Variants in SLC39A11 observed in about 807,000 individuals in gnomAD.
SLC39A11 encodes solute carrier family 39 member 11.
A neutral mutation model predicts 36.1 loss-of-function variants in SLC39A11; 33 were observed. The ratio of observed to expected loss-of-function variants is 0.91; its 90% CI spans 0.69 to 1.22. The LOEUF (loss-of-function observed/expected upper bound fraction) is 1.22. SLC39A11 is among the 50% of genes most tolerant of loss of function. The pLI, the probability that SLC39A11 is intolerant of heterozygous loss-of-function variation, is 0.00. For missense variants in SLC39A11, 432 were observed against 430.3 expected (o/e 1.00, Z -0.03); for synonymous variants, 166 against 170.3 (o/e 0.97, Z 0.20).
chr17:72,676,518 C>CTTA (rs1445693582), intron 7 of SLC39A11, among the ~76,000 whole-genome samples: 1 of 152,086 alleles, frequency 6.6e-6, no homozygotes, highest in Non-Finnish European at 1.5e-5. Context: ...TGCTAGACTT[C>CTTA]TTATCGTCAT....
chr17:72,826,351 C>G (rs1414891065), intron 6 of SLC39A11, among the ~76,000 whole-genome samples: 1 of 152,182 alleles, frequency 6.6e-6, no homozygotes, highest in Non-Finnish European at 1.5e-5. Context: ...TCCTGTACAG[C>G]CTGTGGAACT....
In SLC39A11 at chr17:73,064,227, G is replaced by C. The variant is rs191472133; in HGVS notation, c.147+20581C>G. On this transcript the variant is annotated intron_variant, in intron 3 of 9. Coordinates refer to ENST00000255559, the MANE Select transcript of SLC39A11 (RefSeq NM_139177.4). ...TGGTTTGCTGTTCAGTGAGTCTGCA[G>C]AAACCAAGCACTGTGGCTCATGGCC... 4.3e-3 allele frequency among the ~76,000 whole-genome samples: 648 copies of C among 152,344 alleles called. 13 individuals are homozygous for C. The highest frequency in any genetic ancestry group is 0.039 in the Admixed American group (591 of 15,304).
At chr17:73,041,607 G>A (rs1459294112) in intron 3 of SLC39A11, among the ~76,000 whole-genome samples, 1 of 152,226 alleles carries the variant, frequency 6.6e-6, no homozygotes, top group Non-Finnish European at 1.5e-5. Flanking sequence ...GTGCTGGAAT[G>A]GGGGCACCCA....
At chr17:72,814,282 C>A (rs1277473564) in intron 6 of SLC39A11, among the ~76,000 whole-genome samples, 1 of 152,162 alleles carries the variant, frequency 6.6e-6, no homozygotes, top group Non-Finnish European at 1.5e-5. Context: ...AAGTACCTGA[C>A]CCTCTTGCAG....
chr17:72,725,523 G>A (rs2073888823), intron 7 of SLC39A11: 1 of 152,146 alleles, frequency 6.6e-6, no homozygotes, highest in African/African-American at 2.4e-5. Flanking sequence ...TTACATATAT[G>A]GTCCTTAGCC....
At chr17:73,011,209 G>C (rs543884719) in intron 4 of SLC39A11, among the ~76,000 whole-genome samples, 1 of 152,356 alleles carries the variant, frequency 6.6e-6, no homozygotes, top group South Asian at 2.1e-4. Flanking sequence ...CACCCCAAAG[G>C]GTAAGGAAGA....
intron 1 of SLC39A11, among the ~76,000 whole-genome samples, chr17:73,090,213 A>C (rs2060880312): frequency 6.6e-6 from 1 of 152,148 alleles, no homozygotes; most frequent in South Asian, 2.1e-4. Context: ...CCTTATGCCA[A>C]GCGGCTCAGC....
intron 6 of SLC39A11, among the ~76,000 whole-genome samples, chr17:72,747,417 G>T (rs751779235): frequency 2.6e-5 from 4 of 152,146 alleles, no homozygotes; most frequent in Admixed American, 1.3e-4. Context: ...TTCCCAAAGT[G>T]CTGGAATTAC....
intron 3 of SLC39A11, among the ~76,000 whole-genome samples, chr17:73,060,210 CAAAAAAAAAA>C (rs33931672): frequency 5.7e-5 from 4 of 70,352 alleles, no homozygotes; most frequent in Non-Finnish European, 1.1e-4. Context: ...AACTCCATCT[CAAAAAAAAAA>C]AAAAAAAAAA....
At chr17:73,006,464 G>A (rs1008918693) in intron 4 of SLC39A11, among the ~76,000 whole-genome samples, 5 of 152,148 alleles carry the variant, frequency 3.3e-5, no homozygotes, top group Non-Finnish European at 5.9e-5. Context: ...GGAAGGGGAA[G>A]GGAGAAGAGG....
At chr17:73,030,085 C>G (rs923125924) in intron 4 of SLC39A11, among the ~76,000 whole-genome samples, 1 of 152,210 alleles carries the variant, frequency 6.6e-6, no homozygotes, top group Non-Finnish European at 1.5e-5. Flanking sequence ...AGCCTGGATC[C>G]CTCACATGCG....
At chr17:72,727,513 G>A (rs758554503) in intron 7 of SLC39A11, among the ~76,000 whole-genome samples, 27 of 152,026 alleles carry the variant, frequency 1.8e-4, no homozygotes, top group Admixed American at 2.6e-4. Context: ...TCAGCCAGGC[G>A]TGGTGGCGGG....
At chr17:72,826,191 G>C (rs1325477108) in intron 6 of SLC39A11, among the ~76,000 whole-genome samples, 1 of 152,172 alleles carries the variant, frequency 6.6e-6, no homozygotes, top group Non-Finnish European at 1.5e-5. Context: ...TCATGATAGT[G>C]AATATGTTCT....
intron 7 of SLC39A11, among the ~76,000 whole-genome samples, chr17:72,656,151 A>G (rs1245527265): frequency 6.6e-6 from 1 of 152,134 alleles, no homozygotes; most frequent in African/African-American, 2.4e-5. Context: ...GGGCCATGAA[A>G]ATTCAAAACA....
intron 5 of SLC39A11, among the ~76,000 whole-genome samples, chr17:72,889,326 C>A (rs536363718): frequency 1.3e-5 from 2 of 152,152 alleles, no homozygotes; most frequent in African/African-American, 4.8e-5. Context: ...ACCAGCCTAG[C>A]CAACATGGTG....
chr17:72,842,672 G>A (rs973254221), intron 6 of SLC39A11, among the ~76,000 whole-genome samples: 12 of 152,110 alleles, frequency 7.9e-5, no homozygotes, highest in Non-Finnish European at 1.2e-4. Context: ...GTCTCGGGTT[G>A]GTTTTCTAAA....
At position 72,654,385 on chromosome 17, in the gene SLC39A11, C is replaced by T. The variant is rs376321441; in HGVS notation, c.672-5117G>A. ...TGCTGACAAGCGTGTTCTAACCAGCCCTGGGCAGAAATGCGGCCTGTTCTC... is the reference window on the plus strand; with the variant it reads ...TGCTGACAAGCGTGTTCTAACCAGCTCTGGGCAGAAATGCGGCCTGTTCTC... On this transcript the variant is annotated intron_variant, in intron 7 of 9. Transcript: ENST00000255559. Among the ~76,000 whole-genome samples, 7 of 152,306 alleles carry T rather than the reference C, an allele frequency of 4.6e-5. 1 individual carries two copies. The highest frequency in any genetic ancestry group is 1.7e-4 in the African/African-American group (7 of 41,566).
At chr17:72,976,682 T>C (rs916793342) in intron 4 of SLC39A11, among the ~76,000 whole-genome samples, 3 of 151,858 alleles carry the variant, frequency 2.0e-5, no homozygotes, top group African/African-American at 7.3e-5. Flanking sequence ...AACCCCAATC[T>C]CTACTAAAAA....
chr17:72,649,607 T>C (rs765449701), intron 7 of SLC39A11, among the ~76,000 whole-genome samples: 42 of 152,146 alleles, frequency 2.8e-4, no homozygotes, highest in Non-Finnish European at 5.9e-4. Context: ...TTCATTTTAC[T>C]TTCTACGCCT....
Sources: gnomAD v4.1 joint callset for allele counts (sites outside exome capture counted in the v4.1 genomes callset) on GRCh38, gnomAD v4.1.1 for gene constraint, MANE v1.5 for transcripts, NCBI Gene and HGNC (gene_info 2026-07-23, HGNC 2026-07-21) for gene names.